TOX4: variants seen among roughly 807,000 people sequenced by gnomAD.
TOX4 encodes the protein epidermal Langerhans cell protein LCP1.
A neutral mutation model predicts 61.0 loss-of-function variants in TOX4; 12 were observed. The observed-to-expected ratio is 0.20, with a 90% CI of 0.13 to 0.32. TOX4 has a LOEUF of 0.32. TOX4 is among the 10% of genes least tolerant of loss of function. The pLI, the probability that TOX4 is intolerant of heterozygous loss-of-function variation, is 1.00. For synonymous variants in TOX4, 268 were observed against 274.8 expected (o/e 0.98, Z 0.24); for missense variants, 499 against 753.3 (o/e 0.66, Z 3.95).
Position 21,498,415 on chromosome 14 carries a change from G to A in TOX4, c.*1809G>A. Reference sequence around the variant, plus strand: ...GGGCAAACCAGAAATCCTGGAATTAGAGGGTTTAATATTGTTAAAAAATGC... The same window carrying A: ...GGGCAAACCAGAAATCCTGGAATTAAAGGGTTTAATATTGTTAAAAAATGC... On this transcript the variant is annotated 3_prime_UTR_variant, in exon 9 of 9. Transcript: ENST00000448790. 1.3e-6 allele frequency: 2 copies of A among 1,589,526 alleles called. No individual in the cohort carries two copies. Among genetic ancestry groups the A allele is most frequent in the Non-Finnish European group, 1.7e-6 (2 of 1,158,944 alleles).
Position 21,488,833 on chromosome 14 carries a change from G to A in TOX4, c.562G>A (p.Val188Ile). Reference protein sequence around the residue: ...SPTSSLHEDGVEDFRRQLPSQ... With the variant: ...SPTSSLHEDGIEDFRRQLPSQ... ...TACTAGTTCACTTCACGAGGATGGTGTTGAGGATTTCCGGAGGGTGAGGCA... is the reference window on the plus strand; with the variant it reads ...TACTAGTTCACTTCACGAGGATGGTATTGAGGATTTCCGGAGGGTGAGGCA... Residue 188 changes from valine (V) to isoleucine (I), a missense_variant, in exon 4 of 9, where the codon GTT becomes ATT. Around this residue, in one of 7 missense-constraint regions of TOX4, gnomAD observed 61 missense variants for 76.1 expected, o/e 0.80. Transcript: ENST00000448790. 6.2e-7 allele frequency: 1 copy of A among 1,614,016 alleles called. No homozygotes were observed. The highest frequency in any genetic ancestry group is 8.5e-7 in the Non-Finnish European group (1 of 1,179,862).
chr14:21,488,297 T>C (rs545317431), intron 3 of TOX4: 1 of 298,088 alleles, frequency 3.4e-6, no homozygotes, highest in South Asian at 5.5e-5. Context: ...CTCAATGTGT[T>C]GTCACTACCT....
Position 21,499,012 on chromosome 14 carries a change from C to T in TOX4, c.*2406C>T. On this transcript the variant is annotated 3_prime_UTR_variant, in exon 9 of 9. Transcript: ENST00000448790. ...AGCCCCTTGAGGACTAGCCTGTTCTCTGGTCACCTTACCAGTTGGGTTGCA... is the reference window on the plus strand; with the variant it reads ...AGCCCCTTGAGGACTAGCCTGTTCTTTGGTCACCTTACCAGTTGGGTTGCA... 1 of 1,590,582 alleles carries T rather than the reference C, an allele frequency of 6.3e-7. No homozygotes were observed. The highest frequency in any genetic ancestry group is 1.3e-5 in the African/African-American group (1 of 74,582).
chr14:21,496,486 G>T, intron 8 of TOX4, 60 bp from the exon 9 acceptor site: 4 of 1,496,604 alleles, frequency 2.7e-6, no homozygotes, highest in Non-Finnish European at 2.8e-6. Context: ...ATGTATCTAG[G>T]CTGTAATTCT....
rs1363784426 is a variant in TOX4 at position 21,485,301 on chromosome 14, G to A, written c.76-2150G>A. 3.8e-5 allele frequency among the ~76,000 whole-genome samples: 4 copies of A among 106,148 alleles called. 2 individuals carry two copies. In the East Asian group the frequency reaches 1.4e-3, roughly 38 times the overall value. 69.6% of individuals were successfully genotyped at this position (106,148 alleles called of 152,430 possible). Reference sequence around the variant, plus strand: ...ATGGTGGCACATGTCTGTAATCCCAGCTACTAGGGAGGCTGAGGCAGGAGA... The same window carrying A: ...ATGGTGGCACATGTCTGTAATCCCAACTACTAGGGAGGCTGAGGCAGGAGA... On this transcript the variant is annotated intron_variant, in intron 2 of 8. Transcript: ENST00000448790.
chr14:21,489,495 C>G, intron 5 of TOX4, 92 bp downstream of exon 5: 1 of 1,065,116 alleles, frequency 9.4e-7, no homozygotes, highest in Non-Finnish European at 1.4e-6. Flanking sequence ...ATGTCCTTAT[C>G]TAATATCAGC....
intron 2 of TOX4, among the ~76,000 whole-genome samples, chr14:21,486,519 T>G (rs1385064576): frequency 6.6e-6 from 1 of 152,056 alleles, no homozygotes; most frequent in African/African-American, 2.4e-5. Context: ...ATTTTACAGA[T>G]GAAGAAAACT....
Position 21,498,965 on chromosome 14 carries a change from T to G in TOX4, c.*2359T>G, listed in dbSNP as rs1061026. On this transcript the variant is annotated 3_prime_UTR_variant, in exon 9 of 9. Coordinates refer to ENST00000448790, the MANE Select transcript of TOX4 (RefSeq NM_014828.4). ...AAAACAATGTGAAGCTCTACTAAGTTCTGTCCTTAATCATAAATAATAGCC... is the reference window on the plus strand; with the variant it reads ...AAAACAATGTGAAGCTCTACTAAGTGCTGTCCTTAATCATAAATAATAGCC... The G allele has an allele frequency of 0.15, 174,318 of 1,168,536 alleles. 14,455 individuals carry two copies. The highest frequency in any genetic ancestry group is 0.3 in the Admixed American group (17,185 of 58,244). 72.4% of individuals were successfully genotyped at this position (1,168,536 alleles called of 1,614,324 possible).
intron 8 of TOX4, chr14:21,496,263 C>A (rs1417678310): frequency 1.3e-5 from 3 of 223,700 alleles, no homozygotes; most frequent in Non-Finnish European, 2.6e-5. Context: ...CGCGGTGGCT[C>A]ACGCTTGTAA....
chr14:21,499,019 C>G lies in TOX4; in HGVS notation c.*2413C>G. 6.2e-7 allele frequency: 1 copy of G among 1,604,424 alleles called. No individual in the cohort carries two copies. Among genetic ancestry groups the G allele is most frequent in the Middle Eastern group, 1.7e-4 (1 of 6,038 alleles). On this transcript the variant is annotated 3_prime_UTR_variant, in exon 9 of 9. Coordinates refer to ENST00000448790, the MANE Select transcript of TOX4 (RefSeq NM_014828.4). ...TGAGGACTAGCCTGTTCTCTGGTCA[C>G]CTTACCAGTTGGGTTGCACATTGTG...
At chr14:21,493,318 C>CCCAATAACAGTGGGGGTTG in intron 7 of TOX4, 61 bp downstream of exon 7, 2 of 1,519,518 alleles carry the variant, frequency 1.3e-6, no homozygotes, top group Non-Finnish European at 1.8e-6. Context: ...TTTTGGTTGA[C>CCCAATAACAGTGGGGGTTG]CCAATAACAG....
chr14:21,486,962 A>G (rs1891200241), intron 2 of TOX4, among the ~76,000 whole-genome samples: 1 of 152,228 alleles, frequency 6.6e-6, no homozygotes, highest in African/African-American at 2.4e-5. Context: ...ATGACAGTAC[A>G]TTTTAGCATC....
chr14:21,488,823 C>A lies in TOX4; in HGVS notation c.552C>A (p.His184Gln). ...CCCCTTCACCTACTAGTTCACTTCA[C>A]GAGGATGGTGTTGAGGATTTCCGGA... ...STTPSPTSSLHEDGVEDFRRQ... is the reference protein window; with the variant it reads ...STTPSPTSSLQEDGVEDFRRQ... Residue 184 changes from histidine (H) to glutamine (Q), a missense_variant, in exon 4 of 9, where the codon CAC becomes CAA. His to Gln is a conservative substitution (Grantham distance 24). Transcript: ENST00000448790. 6.2e-7 allele frequency: 1 copy of A among 1,614,168 alleles called. No individual in the cohort carries two copies. The highest frequency in any genetic ancestry group is 1.1e-5 in the South Asian group (1 of 91,078).
intron 4 of TOX4, 123 bp from the exon 5 acceptor site, chr14:21,489,050 A>T (rs1420991345): frequency 1.6e-6 from 2 of 1,241,246 alleles, no homozygotes; most frequent in Non-Finnish European, 2.2e-6. Context: ...TATTTGACTA[A>T]TGTCTTTTAA....
chr14:21,493,057 C>T lies in TOX4; in HGVS notation c.1441C>T (p.Arg481Ter), dbSNP rs763388913. ...GCAACAGCCTCCACCTCAGAAAGTTCGAATCAATTTACAGCAACAGCCTCC... is the reference window on the plus strand; with the variant it reads ...GCAACAGCCTCCACCTCAGAAAGTTTGAATCAATTTACAGCAACAGCCTCC... ...AMQQPPPQKVRINLQQQPPPL... is the reference protein window; with the variant it reads ...AMQQPPPQKV Residue 481 changes from arginine (R) to a stop codon, truncating the protein, a stop_gained, in exon 7 of 9, where the codon CGA (arginine) becomes TGA (stop). Transcript: ENST00000448790. LOFTEE classifies it high-confidence loss of function. 3.1e-6 allele frequency: 5 copies of T among 1,613,900 alleles called. No homozygotes were observed. Among genetic ancestry groups the T allele is most frequent in the Non-Finnish European group, 2.5e-6 (3 of 1,179,968 alleles).
chr14:21,479,031 T>C (rs1448061447), intron 2 of TOX4, among the ~76,000 whole-genome samples: 7 of 139,048 alleles, frequency 5.0e-5, no homozygotes, highest in African/African-American at 1.9e-4. Context: ...CCAGGCTCTT[T>C]AACTCCTGGC....
rs1891169583 is a variant in TOX4 at position 21,484,722 on chromosome 14, A to G, written c.76-2729A>G. On this transcript the variant is annotated intron_variant, in intron 2 of 8. Coordinates refer to ENST00000448790, the MANE Select transcript of TOX4 (RefSeq NM_014828.4). ...CGCCCAGGCAGGATTGCAGTGGTGC[A>G]GTCTTGACTCACTGTGACCTCTGAC... Among the ~76,000 whole-genome samples the G allele has an allele frequency of 1.9e-5, 2 of 104,864 alleles. 1 individual carries two copies. The allele number at this position is 104,864 out of a possible 152,430, so 68.8% of individuals were successfully genotyped here.
intron 4 of TOX4, among the ~76,000 whole-genome samples, 156 bp downstream of exon 4, chr14:21,489,006 T>G (rs1287340036): frequency 1.3e-5 from 2 of 152,162 alleles, no homozygotes; most frequent in Non-Finnish European, 2.9e-5. Context: ...AGTTTATAAT[T>G]CTCCTCTCAA....
intron 4 of TOX4, 84 bp downstream of exon 4, chr14:21,488,934 T>TA: frequency 6.4e-7 from 1 of 1,553,982 alleles, no homozygotes; most frequent in African/African-American, 1.4e-5. Context: ...CAGTATTCTT[T>TA]ACCCTTGCCG....
Sources: gnomAD v4.1 joint callset for allele counts (sites outside exome capture counted in the v4.1 genomes callset) on GRCh38, gnomAD v4.1.1 for gene constraint, gnomAD v4.1.1 regional missense constraint, MANE v1.5 for transcripts, NCBI Gene and HGNC (gene_info 2026-07-23, HGNC 2026-07-21) for gene names.